Variants in FCHSD2 observed in about 807,000 individuals in gnomAD.
FCHSD2 encodes the protein F-BAR and double SH3 domains protein 2.
In FCHSD2, 38 loss-of-function variants were observed where a neutral mutation model predicts 108.1. That is an observed-to-expected ratio of 0.35 (90% CI 0.27 to 0.46). The LOEUF (loss-of-function observed/expected upper bound fraction) is 0.46. Ranked by LOEUF, FCHSD2 falls within the 20% of genes least tolerant of loss-of-function variation. The probability of loss-of-function intolerance (pLI) is 1.00; values close to 1 mark genes in which losing one functional copy is unlikely to be tolerated. For missense variants in FCHSD2, 751 were observed against 897.8 expected (o/e 0.84, Z 2.09); for synonymous variants, 279 against 314.7 (o/e 0.89, Z 1.20).
In FCHSD2 at chr11:73,041,624, C is replaced by T. The variant is rs116597116; in HGVS notation, c.166-25739G>A. 8.2e-3 allele frequency among the ~76,000 whole-genome samples: 1,248 copies of T among 152,012 alleles called. 20 individuals are homozygous for T. The highest frequency in any genetic ancestry group is 0.029 in the African/African-American group (1,199 of 41,462). ...GTTTGTTTGCTACTGAGTTGAGTTT[C>T]TTATATATTCTGGATATTAGTCCTT... is the stretch of plus-strand genomic sequence containing the variant. On this transcript the variant is annotated intron_variant, in intron 3 of 19. Transcript: ENST00000409418.
intron 8 of FCHSD2, among the ~76,000 whole-genome samples, chr11:72,963,287 T>C (rs1207390622): frequency 6.6e-6 from 1 of 152,228 alleles, no homozygotes; most frequent in African/African-American, 2.4e-5. Flanking sequence ...CCATTTACTA[T>C]GTGCTTACTA....
chr11:72,883,125 A>G (rs554192121), intron 12 of FCHSD2, among the ~76,000 whole-genome samples: 1 of 152,316 alleles, frequency 6.6e-6, no homozygotes, highest in East Asian at 1.9e-4. Context: ...CAAAACAACA[A>G]CAAAAAAACC....
chr11:72,921,804 C>T (rs1452390039), intron 9 of FCHSD2, 24 bp downstream of exon 9: 1 of 1,597,388 alleles, frequency 6.3e-7, no homozygotes, highest in East Asian at 2.2e-5. Context: ...GATAACACTA[C>T]ACGTTGCACT....
At chr11:73,116,072 T>C (rs1406990483) in intron 2 of FCHSD2, among the ~76,000 whole-genome samples, 2 of 152,210 alleles carry the variant, frequency 1.3e-5, no homozygotes, top group African/African-American at 4.8e-5. Flanking sequence ...TAAATAAATA[T>C]CCTTCTTTTC....
chr11:72,916,284 A>C (rs1209274268), intron 9 of FCHSD2, among the ~76,000 whole-genome samples: 1 of 148,312 alleles, frequency 6.7e-6, no homozygotes, highest in South Asian at 2.2e-4. Context: ...AATTTCATTG[A>C]CCTTTTGGTA....
intron 2 of FCHSD2, among the ~76,000 whole-genome samples, chr11:73,101,431 ATTG>A (rs528868877): frequency 1.3e-4 from 20 of 151,820 alleles, no homozygotes; most frequent in African/African-American, 3.9e-4. Context: ...TCTTGTTGTT[ATTG>A]TTGTTGTTGT....
chr11:72,946,443 T>C (rs1483006411), intron 8 of FCHSD2, among the ~76,000 whole-genome samples: 2 of 151,716 alleles, frequency 1.3e-5, no homozygotes, highest in African/African-American at 2.4e-5. Flanking sequence ...ATACCTAATG[T>C]TAAATGATGA....
At chr11:73,017,757 C>G (rs986055077) in intron 3 of FCHSD2, among the ~76,000 whole-genome samples, 1 of 152,146 alleles carries the variant, frequency 6.6e-6, no homozygotes, top group Non-Finnish European at 1.5e-5. Flanking sequence ...TCTAACCACT[C>G]CTATTCCTAC....
intron 4 of FCHSD2, among the ~76,000 whole-genome samples, chr11:73,004,301 A>G (rs1271415958): frequency 6.6e-6 from 1 of 151,982 alleles, no homozygotes; most frequent in African/African-American, 2.4e-5. Context: ...AGGTTGTGAA[A>G]TTTTTCTAAG....
At chr11:73,039,518 A>C (rs1169207103) in intron 3 of FCHSD2, among the ~76,000 whole-genome samples, 1 of 45,378 alleles carries the variant, frequency 2.2e-5, no homozygotes, top group African/African-American at 5.4e-5. Flanking sequence ...CTCCGTCTCC[A>C]AAAAAAAAAA....
At chr11:73,005,194 T>C (rs1484577415) in intron 4 of FCHSD2, among the ~76,000 whole-genome samples, 4 of 152,356 alleles carry the variant, frequency 2.6e-5, no homozygotes, top group Non-Finnish European at 5.9e-5. Flanking sequence ...TCTCACCAGC[T>C]GCCACCCTAA....
intron 13 of FCHSD2, among the ~76,000 whole-genome samples, chr11:72,855,682 C>G (rs564368847): frequency 6.6e-6 from 1 of 152,220 alleles, no homozygotes; most frequent in Admixed American, 6.5e-5. Context: ...TATTACCCAT[C>G]ATAGCTAAAA....
At chr11:73,139,368 T>C (rs886177475) in intron 2 of FCHSD2, among the ~76,000 whole-genome samples, 5 of 152,250 alleles carry the variant, frequency 3.3e-5, no homozygotes, top group Non-Finnish European at 5.9e-5. Context: ...ACGAAAATCT[T>C]TGTTGAACTG....
chr11:72,851,624 T>C (rs531145710), intron 13 of FCHSD2, among the ~76,000 whole-genome samples: 1 of 152,070 alleles, frequency 6.6e-6, no homozygotes, highest in Non-Finnish European at 1.5e-5. Context: ...GCGCCTGTAG[T>C]CCCAGCTACT....
At chr11:73,085,154 T>C (rs1260639578) in intron 2 of FCHSD2, among the ~76,000 whole-genome samples, 2 of 152,214 alleles carry the variant, frequency 1.3e-5, no homozygotes, top group Non-Finnish European at 2.9e-5. Flanking sequence ...AGTTTCACCT[T>C]AAACCTAAAG....
chr11:72,855,129 CG>C, intron 13 of FCHSD2, among the ~76,000 whole-genome samples: 1 of 152,244 alleles, frequency 6.6e-6, no homozygotes, highest in South Asian at 2.1e-4. Context: ...CAAAATTAGC[CG>C]GGTGTGGTGG....
intron 3 of FCHSD2, among the ~76,000 whole-genome samples, chr11:73,061,530 C>T (rs898374852): frequency 1.3e-5 from 2 of 152,204 alleles, no homozygotes; most frequent in African/African-American, 4.8e-5. Flanking sequence ...GTCCCACCCC[C>T]ACGGAGCCCA....
At position 72,881,009 on chromosome 11, in the gene FCHSD2, A is replaced by G. The variant is rs558140383; in HGVS notation, c.1146+6461T>C. Among the ~76,000 whole-genome samples the G allele has an allele frequency of 3.9e-5, 6 of 152,334 alleles. No homozygotes were observed. In the South Asian group the frequency reaches 1.2e-3, roughly 32 times the overall value. On this transcript the variant is annotated intron_variant, in intron 12 of 19. Transcript: ENST00000409418. Reference sequence around the variant, plus strand: ...GGCTGAGGCTTTAAGGCCACAGGCAACAAAACAAAAAACAGACAAATAGGA... The same window carrying G: ...GGCTGAGGCTTTAAGGCCACAGGCAGCAAAACAAAAAACAGACAAATAGGA...
At chr11:73,037,964 A>T (rs1858539119) in intron 3 of FCHSD2, among the ~76,000 whole-genome samples, 1 of 152,220 alleles carries the variant, frequency 6.6e-6, no homozygotes, top group African/African-American at 2.4e-5. Context: ...TTTTATATGA[A>T]ATATGTGAAA....
Sources: allele counts gnomAD v4.1 joint callset (sites outside exome capture counted in the v4.1 genomes callset), GRCh38; gene constraint gnomAD v4.1.1; transcripts MANE v1.5; gene names NCBI Gene and HGNC (gene_info 2026-07-23, HGNC 2026-07-21).